Variants in RINL observed in about 807,000 individuals in gnomAD.
RINL encodes the protein Ras and Rab interactor like.
In RINL, 39 loss-of-function variants were observed where a neutral mutation model predicts 58.1. That is an observed-to-expected ratio of 0.67 (90% CI 0.52 to 0.88). RINL has a LOEUF of 0.88. Ranked by LOEUF, RINL falls within the 40% of genes least tolerant of loss-of-function variation. RINL has a pLI of 0.00. For missense variants in RINL, 711 were observed against 749.2 expected (o/e 0.95, Z 0.60); for synonymous variants, 286 against 323.1 (o/e 0.89, Z 1.23).
In RINL at chr19:38,869,931, C is replaced by G. The variant is rs1432742042; in HGVS notation, c.1342+12G>C. The G allele has an allele frequency of 6.3e-7, 1 of 1,589,976 alleles. No individual in the cohort carries two copies. The highest frequency in any genetic ancestry group is 1.1e-5 in the South Asian group (1 of 87,890). On this transcript the variant is annotated intron_variant, in intron 9 of 11. Coordinates refer to ENST00000591812, the MANE Select transcript of RINL (RefSeq NM_001195833.2). The surrounding 1 kb of genome is among the most constrained non-coding windows in gnomAD (Gnocchi z 5.7). ...CTCTCCCCACCACGCTAGACGTTGA[C>G]CCCTCCCTTACCTTGGTTCTCGCCT...
chr19:38,870,822 CG>C lies in RINL; in HGVS notation c.771del (p.Asp257GlufsTer101). 1 of 1,610,520 alleles carries C rather than the reference CG, an allele frequency of 6.2e-7. No homozygotes were observed. Among genetic ancestry groups the C allele is most frequent in the Non-Finnish European group, 8.5e-7 (1 of 1,180,000 alleles). On this transcript the variant is annotated frameshift_variant, in exon 8 of 12. Coordinates refer to ENST00000591812, the MANE Select transcript of RINL (RefSeq NM_001195833.2). LOFTEE classifies it high-confidence loss of function. The surrounding 1 kb of genome is among the most constrained non-coding windows in gnomAD (Gnocchi z 5.8). ...AGAGACTGGACGTGAATGGTGAGCACGTCCTCAGGGCCTTCCTCTTCAGGGT... is the reference window on the plus strand; with the variant it reads ...AGAGACTGGACGTGAATGGTGAGCACTCCTCAGGGCCTTCCTCTTCAGGGT... ...EDDPEEEGPE[D>X]VLTIHVQSLV...
chr19:38,868,966 GT>G lies in RINL; in HGVS notation c.*137del, dbSNP rs77319151. On this transcript the variant is annotated 3_prime_UTR_variant, in exon 12 of 12. Transcript: ENST00000591812. Reference sequence around the variant, plus strand: ...ACGCCACCACGCCCGGCTAATTTTTGTTTTTTTTTTTTTTTGGTAGATGGGG... The same window carrying G: ...ACGCCACCACGCCCGGCTAATTTTTGTTTTTTTTTTTTTTGGTAGATGGGG... 0.1 allele frequency: 54,911 copies of G among 545,840 alleles called. 1 individual carries two copies. Among genetic ancestry groups the G allele is most frequent in the East Asian group, 0.13 (3,862 of 29,554 alleles). 33.8% of individuals were successfully genotyped at this position (545,840 alleles called of 1,614,324 possible).
chr19:38,873,811 C>A, intron 4 of RINL, 75 bp downstream of exon 4: 1 of 930,714 alleles, frequency 1.1e-6, no homozygotes, highest in African/African-American at 1.6e-5. Flanking sequence ...CAGGCGTGAG[C>A]CACCGCGCCG....
rs886152954 is a variant in RINL at position 38,871,414 on chromosome 19, C to T, written c.452-187G>A. The T allele has an allele frequency of 2.3e-5, 16 of 706,764 alleles. 1 individual carries two copies. In the South Asian group the frequency reaches 2.7e-4, roughly 12 times the overall value. The allele number at this position is 706,764 out of a possible 1,614,324, so 43.8% of individuals were successfully genotyped here. A position where few individuals can be genotyped will look rare whatever the true frequency, so the allele number is the denominator to read the frequency against. ...CCCTTCTCACTTAGGCCCAGGCGTC[C>T]GGGACCCCCAGTTCCTTCCTCCTCC... On this transcript the variant is annotated intron_variant, in intron 6 of 11. Coordinates refer to ENST00000591812, the MANE Select transcript of RINL (RefSeq NM_001195833.2).
chr19:38,871,417 G>A (rs1195267190), intron 6 of RINL, 190 bp from the exon 7 acceptor site: 4 of 700,272 alleles, frequency 5.7e-6, no homozygotes, highest in Non-Finnish European at 9.4e-6. Context: ...AGGCGTCCGG[G>A]ACCCCCAGTT....
chr19:38,877,693 TAC>T (rs2144656613), intron 1 of RINL, among the ~76,000 whole-genome samples: 1 of 152,264 alleles, frequency 6.6e-6, no homozygotes, highest in South Asian at 2.1e-4. Context: ...CCTAACCAGG[TAC>T]AGAGTCCTAC....
At position 38,870,882 on chromosome 19, in the gene RINL, C is replaced by T. The variant is rs578227113; in HGVS notation, c.712G>A (p.Asp238Asn). Residue 238 changes from aspartate (D) to asparagine (N), a missense_variant, in exon 8 of 12, where the codon GAC (aspartate) becomes AAC (asparagine). By Grantham distance (23) the Asp-to-Asn change is conservative (BLOSUM62 1). Coordinates refer to ENST00000591812, the MANE Select transcript of RINL (RefSeq NM_001195833.2). This position sits in a 1 kb window ranked among gnomAD's most constrained non-coding sequence, Gnocchi z 5.8. Reference sequence around the variant, plus strand: ...CTTCCTTCCTCCTTTCCTTCAAGGTCTTCCTCCTCCTCTTCCAGTAGGCTG... The same window carrying T: ...CTTCCTTCCTCCTTTCCTTCAAGGTTTTCCTCCTCCTCTTCCAGTAGGCTG... ...LASLLEEEEE[D>N]LEGKEEGRED... 21 of 1,604,820 alleles carry T rather than the reference C, an allele frequency of 1.3e-5. 1 individual carries two copies. The Admixed American group carries it at 2.3e-4, about 18-fold the overall frequency.
chr19:38,873,970 G>C lies in RINL; in HGVS notation c.229C>G (p.Arg77Gly), dbSNP rs1317198732. The change falls in exon 4 of 12, where the codon CGT becomes GGT. Residue 77 changes from arginine to glycine, a missense_variant. Arg to Gly is a moderately radical substitution (Grantham distance 125, BLOSUM62 -2). Coordinates refer to ENST00000591812, the MANE Select transcript of RINL (RefSeq NM_001195833.2). Reference protein sequence around the residue: ...WPLGSFLVTGRDPSQALVLRS... With the variant: ...WPLGSFLVTGGDPSQALVLRS... ...AACACCAGGGCCTGGCTGGGGTCAC[G>C]TCCTGTGACCAAGAAACTCTGGGGG... 6.5e-7 allele frequency: 1 copy of C among 1,534,290 alleles called. No individual in the cohort carries two copies. The highest frequency in any genetic ancestry group is 1.4e-5 in the African/African-American group (1 of 73,124).
intron 4 of RINL, chr19:38,873,664 T>A (rs1364659092): frequency 2.5e-6 from 1 of 406,800 alleles, no homozygotes; most frequent in African/African-American, 2.0e-5. Flanking sequence ...TAGCTGGGAT[T>A]ACAGTCGCGC....
In RINL at chr19:38,869,966, C is replaced by T; in HGVS notation, c.1319G>A (p.Gly440Asp). 1.3e-6 allele frequency: 2 copies of T among 1,599,898 alleles called. No homozygotes were observed. Among genetic ancestry groups the T allele is most frequent in the Non-Finnish European group, 1.7e-6 (2 of 1,174,430 alleles). ...LLEVCRDVYA[G>D]LARGENQDPL... ...ACCTTGGTTCTCGCCTCGAGCCAGG[C>T]CCGCATAGACATCTCTGCACACCTC... is the stretch of plus-strand genomic sequence containing the variant. The change falls in exon 9 of 12, where the codon GGC (glycine) becomes GAC (aspartate). Residue 440 changes from glycine (G) to aspartate (D), a missense_variant. Physicochemically the swap from Gly to Asp is moderately conservative, Grantham distance 94. Transcript: ENST00000591812. This position sits in a 1 kb window ranked among gnomAD's most constrained non-coding sequence, Gnocchi z 5.7.
At position 38,870,308 on chromosome 19, in the gene RINL, A is replaced by T. The variant is rs1047640633; in HGVS notation, c.1025-48T>A. The T allele has an allele frequency of 2.3e-5, 31 of 1,326,154 alleles. No homozygotes were observed. Among genetic ancestry groups the T allele is most frequent in the Non-Finnish European group, 2.9e-5 (30 of 1,019,818 alleles). The allele number at this position is 1,326,154 out of a possible 1,614,324, so 82.1% of individuals were successfully genotyped here. The stretch of plus-strand genomic sequence containing the variant: ...GAGCACAGGACCGCCAAGTTGTCCC[A>T]CGCCCACCCACGCGCTCCAACAACC... On this transcript the variant is annotated intron_variant, in intron 8 of 11. Transcript: ENST00000591812. The surrounding 1 kb of genome is among the most constrained non-coding windows in gnomAD (Gnocchi z 5.8).
At position 38,869,040 on chromosome 19, in the gene RINL, A is replaced by G. The variant is rs552998923; in HGVS notation, c.*64T>C. The G allele has an allele frequency of 1.7e-5, 24 of 1,446,322 alleles. No homozygotes were observed. The South Asian group carries it at 2.9e-4, about 18-fold the overall frequency. The allele number at this position is 1,446,322 out of a possible 1,614,324, so 89.6% of individuals were successfully genotyped here. On this transcript the variant is annotated 3_prime_UTR_variant, in exon 12 of 12. Transcript: ENST00000591812. The surrounding 1 kb of genome is among the most constrained non-coding windows in gnomAD (Gnocchi z 5.7). ...GGTCTCAAACTCCTGGGCTCAAGCAATCCTCCCACCTTGGCCTCCCAAAAT... is the reference window on the plus strand; with the variant it reads ...GGTCTCAAACTCCTGGGCTCAAGCAGTCCTCCCACCTTGGCCTCCCAAAAT...
rs528085067 is a variant in RINL, at chr19:38,869,339, C to G, written c.1546G>C (p.Ala516Pro). The G allele has an allele frequency of 3.9e-5, 63 of 1,613,720 alleles. No homozygotes were observed. Among genetic ancestry groups the G allele is most frequent in the East Asian group, 1.6e-4 (7 of 44,892 alleles). ...GCCTCGGAGCTGAGCCCCCGGGGAGCGCGGTCTGTTTCGGGCTGGTAGTGG... is the reference window on the plus strand; with the variant it reads ...GCCTCGGAGCTGAGCCCCCGGGGAGGGCGGTCTGTTTCGGGCTGGTAGTGG... ...IAHYQPETDR[A>P]PRGLSSEARA... Residue 516 changes from alanine (A) to proline (P), a missense_variant, in exon 11 of 12, where the codon GCT becomes CCT. Ala to Pro is a conservative substitution (Grantham distance 27, BLOSUM62 -1). Coordinates refer to ENST00000591812, the MANE Select transcript of RINL (RefSeq NM_001195833.2). This position sits in a 1 kb window ranked among gnomAD's most constrained non-coding sequence, Gnocchi z 5.7.
In RINL at chr19:38,871,859, C is replaced by T. The variant is rs767418003; in HGVS notation, c.325G>A (p.Glu109Lys). The change falls in exon 5 of 12, where the codon GAA (glutamate) becomes AAA (lysine). Residue 109 changes from glutamate (E) to lysine (K), a missense_variant. Transcript: ENST00000591812. ...TCTGGCATGCAGAGGTTGGAGGATT[C>T]CAGGGACACACCTGTGGTGGGGGGA... is the stretch of plus-strand genomic sequence containing the variant. The part of the protein sequence containing the change: ...IQKIPRGVSL[E>K]SSNLCMPDLP... The T allele has an allele frequency of 6.2e-7, 1 of 1,613,774 alleles. No homozygotes were observed. The highest frequency in any genetic ancestry group is 1.1e-5 in the South Asian group (1 of 91,072).
In RINL at chr19:38,873,887, T is replaced by G; in HGVS notation, c.312A>C (p.Arg104Ser). The stretch of plus-strand genomic sequence containing the variant: ...GGAACCTCAGGGGAGGTGCCTTACC[T>G]CTGGGAATCTTCTGGATCTGGTAGG... ...VNTYQIQKIP[R>S]GVSLESSNLC... The change falls in exon 4 of 12, where the codon AGA becomes AGC. Residue 104 changes from arginine (R) to serine (S), a missense_variant and splice_region_variant. Coordinates refer to ENST00000591812, the MANE Select transcript of RINL (RefSeq NM_001195833.2). The G allele has an allele frequency of 6.6e-7, 1 of 1,525,678 alleles. No individual in the cohort carries two copies. Among genetic ancestry groups the G allele is most frequent in the Non-Finnish European group, 8.8e-7 (1 of 1,137,456 alleles). 94.5% of individuals were successfully genotyped at this position (1,525,678 alleles called of 1,614,324 possible).
In RINL at chr19:38,868,966, GTT is replaced by G. The variant is rs77319151; in HGVS notation, c.*136_*137del. The G allele has an allele frequency of 5.6e-3, 3,115 of 554,488 alleles. No homozygotes were observed. The highest frequency in any genetic ancestry group is 8.5e-3 in the South Asian group (274 of 32,184). 34.3% of individuals were successfully genotyped at this position (554,488 alleles called of 1,614,324 possible). A position where few individuals can be genotyped will look rare whatever the true frequency, so the allele number is the denominator to read the frequency against. ...ACGCCACCACGCCCGGCTAATTTTT[GTT>G]TTTTTTTTTTTTTGGTAGATGGGGG... On this transcript the variant is annotated 3_prime_UTR_variant, in exon 12 of 12. Transcript: ENST00000591812.
chr19:38,870,534 G>A lies in RINL; in HGVS notation c.1024+36C>T. 6.6e-7 allele frequency: 1 copy of A among 1,519,926 alleles called. No homozygotes were observed. The allele number at this position is 1,519,926 out of a possible 1,614,324, so 94.2% of individuals were successfully genotyped here. A position where few individuals can be genotyped will look rare whatever the true frequency, so the allele number is the denominator to read the frequency against. On this transcript the variant is annotated intron_variant, in intron 8 of 11. Transcript: ENST00000591812. The surrounding 1 kb of genome is among the most constrained non-coding windows in gnomAD (Gnocchi z 5.8). The stretch of plus-strand genomic sequence containing the variant: ...ATGGAGAGGACGAAGTTGCACACTT[G>A]AACCCGTGGGGGCTCCCTTCCAGTC...
intron 3 of RINL, 83 bp downstream of exon 3, chr19:38,876,248 C>T: frequency 7.2e-7 from 1 of 1,387,210 alleles, no homozygotes; most frequent in African/African-American, 1.4e-5. Flanking sequence ...TTGGTTTGCC[C>T]AATTTGTGTC....
rs73537683 is a variant in RINL, at chr19:38,871,612, G to A, written c.451+35C>T. The A allele has an allele frequency of 8.6e-3, 13,745 of 1,596,688 alleles. 938 individuals are homozygous for A. The African/African-American group carries it at 0.16, about 19-fold the overall frequency. ...TCCCTTGGAGCAAGGAAATTGGCAG[G>A]TTGGCTGTGCCCTCTTTAGAGAACC... On this transcript the variant is annotated intron_variant, in intron 6 of 11. Transcript: ENST00000591812.
Sources: allele counts gnomAD v4.1 joint callset (sites outside exome capture counted in the v4.1 genomes callset), GRCh38; gene constraint gnomAD v4.1.1; non-coding constraint Gnocchi (gnomAD v3.1); transcripts MANE v1.5; gene names NCBI Gene and HGNC (gene_info 2026-07-23, HGNC 2026-07-21).